The following FLVCR2 variants were observed in gnomAD, a reference collection of about 807,000 sequenced individuals.
The protein encoded by FLVCR2 is choline/ethanolamine transporter FLVCR2.
A neutral mutation model predicts 48.9 loss-of-function variants in FLVCR2; 38 were observed. The observed-to-expected ratio is 0.78, with a 90% CI of 0.60 to 1.02. The LOEUF is 1.02. FLVCR2 is among the 50% of genes least tolerant of loss of function. FLVCR2 has a pLI of 0.00. For synonymous variants in FLVCR2, 255 were observed against 257.0 expected, an observed-to-expected ratio of 0.99 and a Z score of 0.07; for missense variants, 664 against 663.3, an observed-to-expected ratio of 1.00 and a Z score of -0.01.
intron 1 of FLVCR2, among the ~76,000 whole-genome samples, chr14:75,582,970 T>C (rs1188182913): frequency 2.0e-5 from 3 of 152,072 alleles, no homozygotes; most frequent in Non-Finnish European, 4.4e-5. Flanking sequence ...TATGCCAAGA[T>C]AGGTAACAGA....
Position 75,579,560 on chromosome 14 carries a change from C to T in FLVCR2, c.588C>T (p.Gly196=). The T allele has an allele frequency of 6.2e-7, 1 of 1,614,024 alleles. No individual in the cohort carries two copies. Residue 196 remains glycine, a synonymous_variant, in exon 1 of 10, where the codon GGC becomes GGT. Transcript: ENST00000238667. The part of the protein sequence containing the change: ...ICSVAQVFIL[G]MPSRIASVWF... ...CTGTGGCCCAGGTTTTCATCCTGGG[C>T]ATGCCCTCCCGCATCGCTTCCGTCT...
chr14:75,615,149 T>C (rs1889575798), intron 1 of FLVCR2, among the ~76,000 whole-genome samples: 1 of 152,140 alleles, frequency 6.6e-6, no homozygotes, highest in Non-Finnish European at 1.5e-5. Context: ...CCAAGGACCA[T>C]GAATGTGAGT....
intron 1 of FLVCR2, among the ~76,000 whole-genome samples, chr14:75,618,467 G>T (rs947555808): frequency 6.6e-6 from 1 of 152,220 alleles, no homozygotes. Flanking sequence ...GTTTGACCAT[G>T]AATTTTGTAT....
chr14:75,618,662 T>C (rs1166536608), intron 1 of FLVCR2, among the ~76,000 whole-genome samples: 1 of 152,232 alleles, frequency 6.6e-6, no homozygotes, highest in Non-Finnish European at 1.5e-5. Context: ...GTTTCACTGA[T>C]TCAGGCCCCA....
chr14:75,581,219 AG>A (rs1165886748), intron 1 of FLVCR2, among the ~76,000 whole-genome samples: 1 of 152,174 alleles, frequency 6.6e-6, no homozygotes, highest in African/African-American at 2.4e-5. Flanking sequence ...GGAAGACACA[AG>A]GTCTGAAAAA....
chr14:75,635,385 A>C (rs751648997), intron 5 of FLVCR2, among the ~76,000 whole-genome samples: 17 of 152,100 alleles, frequency 1.1e-4, no homozygotes, highest in Non-Finnish European at 1.3e-4. Context: ...GATGAGGAGG[A>C]GGTGATTTCA....
chr14:75,590,697 TC>T (rs1406138326), intron 1 of FLVCR2, among the ~76,000 whole-genome samples: 75 of 152,328 alleles, frequency 4.9e-4, no homozygotes, highest in Non-Finnish European at 6.8e-4. Flanking sequence ...TCTCTCTCTT[TC>T]TTGCTTCTAC....
At chr14:75,589,430 CACTGGGGAAGGG>C in intron 1 of FLVCR2, among the ~76,000 whole-genome samples, 1 of 152,208 alleles carries the variant, frequency 6.6e-6, no homozygotes, top group South Asian at 2.1e-4. Context: ...AAGAAGGGCA[CACTGGGGAAGGG>C]ACTGGTCCCC....
chr14:75,594,051 A>G (rs998689302), intron 1 of FLVCR2, among the ~76,000 whole-genome samples: 12 of 152,274 alleles, frequency 7.9e-5, no homozygotes, highest in African/African-American at 2.9e-4. Context: ...CTAGTTCATC[A>G]CTCTTAAGTT....
At chr14:75,636,806 T>A (rs1010109236) in intron 5 of FLVCR2, among the ~76,000 whole-genome samples, 2 of 151,928 alleles carry the variant, frequency 1.3e-5, no homozygotes, top group African/African-American at 4.8e-5. Context: ...GGTTGGAAAT[T>A]GGGTGGTGAG....
intron 1 of FLVCR2, among the ~76,000 whole-genome samples, chr14:75,611,015 T>C (rs1442000293): frequency 2.0e-5 from 3 of 152,236 alleles, no homozygotes; most frequent in Non-Finnish European, 4.4e-5. Flanking sequence ...GTCTCTGTTC[T>C]TGTGATTGTG....
intron 1 of FLVCR2, among the ~76,000 whole-genome samples, chr14:75,593,560 C>T (rs1330686418): frequency 1.3e-5 from 2 of 152,178 alleles, no homozygotes; most frequent in East Asian, 3.8e-4. Flanking sequence ...TGAGAATCTG[C>T]TTCCATGAGA....
intron 1 of FLVCR2, among the ~76,000 whole-genome samples, chr14:75,584,741 C>G (rs903802233): frequency 6.6e-6 from 1 of 152,150 alleles, no homozygotes; most frequent in East Asian, 1.9e-4. Flanking sequence ...AACTCTTTCC[C>G]GTTCATCTGG....
chr14:75,634,970 G>C lies in FLVCR2; in HGVS notation c.1081G>C (p.Ala361Pro), dbSNP rs1013080523. Residue 361 changes from alanine (A) to proline (P), a missense_variant, in exon 5 of 10, where the codon GCT (alanine) becomes CCT (proline). By Grantham distance (27) the Ala-to-Pro change is conservative. Transcript: ENST00000238667. ...GATCGTCATTGCAGGAATGCTTGGG[G>C]CTGTGATCTCAGGAATCTGGCTGGA... ...LTIVIAGMLGAVISGIWLDRS... is the reference protein window; with the variant it reads ...LTIVIAGMLGPVISGIWLDRS... 11 of 1,613,924 alleles carry C rather than the reference G, an allele frequency of 6.8e-6. No individual in the cohort carries two copies. The highest frequency in any genetic ancestry group is 9.3e-6 in the Non-Finnish European group (11 of 1,179,922).
intron 3 of FLVCR2, among the ~76,000 whole-genome samples, chr14:75,630,679 G>A (rs1309892776): frequency 6.6e-6 from 1 of 152,108 alleles, no homozygotes; most frequent in East Asian, 1.9e-4. Flanking sequence ...AACATAGCGA[G>A]ACCCCAAAGA....
In FLVCR2 at chr14:75,646,504, AC is replaced by A. The variant is rs1890425181; in HGVS notation, c.*33del. 2 of 1,485,094 alleles carry A rather than the reference AC, an allele frequency of 1.3e-6. No homozygotes were observed. The highest frequency in any genetic ancestry group is 3.3e-5 in the Admixed American group (2 of 59,826). The allele number at this position is 1,485,094 out of a possible 1,614,324, so 92.0% of individuals were successfully genotyped here. The stretch of plus-strand genomic sequence containing the variant: ...GGTGGTGACAACTCAGGGAACACGA[AC>A]ACCCCACCTTTTCCTTCAGCACAGC... On this transcript the variant is annotated 3_prime_UTR_variant, in exon 10 of 10. Coordinates refer to ENST00000238667, the MANE Select transcript of FLVCR2 (RefSeq NM_017791.3).
At chr14:75,619,477 T>TCATC (rs34627368) in intron 1 of FLVCR2, among the ~76,000 whole-genome samples, 6,117 of 150,888 alleles carry the variant, frequency 0.041, 126 homozygotes, top group Non-Finnish European at 0.046. Flanking sequence ...GTTCATCTGC[T>TCATC]CATCCATCCA....
At chr14:75,589,725 C>T (rs1364876955) in intron 1 of FLVCR2, among the ~76,000 whole-genome samples, 1 of 152,210 alleles carries the variant, frequency 6.6e-6, no homozygotes, top group African/African-American at 2.4e-5. Context: ...ATGGAAGCCA[C>T]CATGGCACCA....
intron 1 of FLVCR2, among the ~76,000 whole-genome samples, chr14:75,598,868 C>A (rs761272249): frequency 1.3e-5 from 2 of 152,230 alleles, no homozygotes; most frequent in Admixed American, 1.3e-4. Flanking sequence ...ATTTCCAGAC[C>A]TCCGCTCCCC....
Sources: gnomAD v4.1 joint callset for allele counts (sites outside exome capture counted in the v4.1 genomes callset) on GRCh38, gnomAD v4.1.1 for gene constraint, MANE v1.5 for transcripts, NCBI Gene and HGNC (gene_info 2026-07-23, HGNC 2026-07-21) for gene names.